The following KSR2 variants were observed in gnomAD, a reference collection of about 807,000 sequenced individuals.
KSR2 encodes kinase suppressor of ras 2.
Under a neutral mutation model 107.8 loss-of-function variants are expected in KSR2, and 25 were observed. The observed-to-expected ratio is 0.23, with a 90% CI of 0.17 to 0.32. The LOEUF is 0.32. Ranked by LOEUF, KSR2 falls within the 10% of genes least tolerant of loss-of-function variation. The probability of loss-of-function intolerance (pLI) is 1.00; values close to 1 mark genes in which losing one functional copy is unlikely to be tolerated. For synonymous variants in KSR2, 480 were observed against 507.0 expected (o/e 0.95, Z 0.71); for missense variants, 887 against 1,268.9 (o/e 0.70, Z 4.57).
At chr12:117,708,165 A>G (rs1418123096) in intron 4 of KSR2, among the ~76,000 whole-genome samples, 2 of 152,228 alleles carry the variant, frequency 1.3e-5, no homozygotes, top group African/African-American at 4.8e-5. Flanking sequence ...GGCAAAATAA[A>G]TGTTAGGAGA....
intron 3 of KSR2, among the ~76,000 whole-genome samples, chr12:117,772,918 C>T (rs185567741): frequency 6.6e-6 from 1 of 152,364 alleles, no homozygotes; most frequent in Non-Finnish European, 1.5e-5. Flanking sequence ...GTCTTACCCT[C>T]TGCCAAATTA....
At chr12:117,854,488 G>C (rs1414756137) in intron 3 of KSR2, among the ~76,000 whole-genome samples, 1 of 152,188 alleles carries the variant, frequency 6.6e-6, no homozygotes, top group East Asian at 1.9e-4. Context: ...ACTTCTCCAG[G>C]CCTAGAACAA....
At chr12:117,573,748 C>T (rs561289526) in intron 7 of KSR2, among the ~76,000 whole-genome samples, 6 of 151,992 alleles carry the variant, frequency 3.9e-5, no homozygotes, top group South Asian at 4.2e-4. Context: ...AGGCTGGTCT[C>T]GAACTCCTGA....
chr12:117,662,590 G>A (rs1474765108), intron 5 of KSR2, among the ~76,000 whole-genome samples: 3 of 152,196 alleles, frequency 2.0e-5, no homozygotes, highest in Admixed American at 6.5e-5. Flanking sequence ...AGGGGCTGCC[G>A]TCTTTCAAGA....
At chr12:117,558,723 T>C (rs951548602) in intron 7 of KSR2, 150 bp from the exon 8 acceptor site, 14 of 561,294 alleles carry the variant, frequency 2.5e-5, no homozygotes, top group African/African-American at 4.4e-5. Context: ...GATGGGTGAG[T>C]AGATGAATGG....
At chr12:117,934,283 C>T (rs1457825992) in intron 1 of KSR2, among the ~76,000 whole-genome samples, 1 of 152,160 alleles carries the variant, frequency 6.6e-6, no homozygotes, top group Non-Finnish European at 1.5e-5. Context: ...AGAACTGACC[C>T]ATGACAACAC....
chr12:117,704,300 A>G (rs577063413), intron 4 of KSR2, among the ~76,000 whole-genome samples: 18 of 152,254 alleles, frequency 1.2e-4, no homozygotes, highest in African/African-American at 4.3e-4. Flanking sequence ...AGGCAAATGG[A>G]AAAGCATGTT....
chr12:117,915,766 C>T (rs1309023478), intron 1 of KSR2, among the ~76,000 whole-genome samples: 2 of 152,138 alleles, frequency 1.3e-5, no homozygotes, highest in African/African-American at 4.8e-5. Flanking sequence ...TCTCCAAGAC[C>T]TGAAGAAGAT....
intron 3 of KSR2, among the ~76,000 whole-genome samples, chr12:117,762,237 T>G (rs925434253): frequency 2.0e-5 from 3 of 152,242 alleles, no homozygotes; most frequent in African/African-American, 7.2e-5. Flanking sequence ...TTCCCTTACA[T>G]GGAAATTTTA....
rs1297192493 is a variant in KSR2, at chr12:117,786,735, G to A, written c.473-25211C>T. On this transcript the variant is annotated intron_variant, in intron 3 of 19. Transcript: ENST00000339824. The stretch of plus-strand genomic sequence containing the variant: ...GGAGGCTGAGGCAGGAGAATCACAT[G>A]CACCCAGGAAGCGGAGAATGCAGTG... Among the ~76,000 whole-genome samples, 3 of 152,168 alleles carry A rather than the reference G, an allele frequency of 2.0e-5. No homozygotes were observed. The East Asian group carries it at 5.8e-4, about 29-fold the overall frequency.
intron 17 of KSR2, among the ~76,000 whole-genome samples, chr12:117,475,909 A>G (rs1871746195): frequency 1.3e-5 from 2 of 152,208 alleles, no homozygotes; most frequent in Admixed American, 1.3e-4. Flanking sequence ...AGGGTTGAGG[A>G]ACTGAGGCCT....
chr12:117,659,998 C>T (rs1884358989), intron 5 of KSR2, among the ~76,000 whole-genome samples: 1 of 152,204 alleles, frequency 6.6e-6, no homozygotes, highest in Non-Finnish European at 1.5e-5. Context: ...GCTGCCCCTG[C>T]CTCACCTCTT....
chr12:117,533,327 G>C (rs1229644107), intron 10 of KSR2, among the ~76,000 whole-genome samples: 3 of 152,316 alleles, frequency 2.0e-5, no homozygotes, highest in South Asian at 4.2e-4. Flanking sequence ...ACTATCTCAG[G>C]ACCTCAAACT....
At chr12:117,940,128 G>A (rs950511652) in intron 1 of KSR2, among the ~76,000 whole-genome samples, 18 of 152,088 alleles carry the variant, frequency 1.2e-4, no homozygotes, top group Non-Finnish European at 2.4e-4. Context: ...CCTTAAAAAC[G>A]TCAATACTGG....
At chr12:117,605,006 C>A (rs977236333) in intron 5 of KSR2, among the ~76,000 whole-genome samples, 2 of 152,140 alleles carry the variant, frequency 1.3e-5, no homozygotes, top group Admixed American at 6.5e-5. Flanking sequence ...AAATGAATTA[C>A]CTGAGCCAAG....
At chr12:117,793,056 G>GCA (rs1396065685) in intron 3 of KSR2, among the ~76,000 whole-genome samples, 36 of 135,398 alleles carry the variant, frequency 2.7e-4, no homozygotes, top group South Asian at 1.9e-3. Context: ...ACATCAACAT[G>GCA]CACACACACC....
intron 3 of KSR2, among the ~76,000 whole-genome samples, chr12:117,824,161 A>G (rs1358482044): frequency 6.6e-6 from 1 of 152,096 alleles, no homozygotes; most frequent in Admixed American, 6.6e-5. Flanking sequence ...AGAAAGACAA[A>G]CATCACATAT....
chr12:117,720,724 T>C (rs1413598025), intron 4 of KSR2, among the ~76,000 whole-genome samples: 2 of 152,108 alleles, frequency 1.3e-5, no homozygotes, highest in Non-Finnish European at 2.9e-5. Flanking sequence ...AAAGAACAGG[T>C]CCCTATTCTT....
chr12:117,759,832 G>A (rs1888931126), intron 4 of KSR2, among the ~76,000 whole-genome samples: 1 of 152,226 alleles, frequency 6.6e-6, no homozygotes, highest in Non-Finnish European at 1.5e-5. Flanking sequence ...CCCAGGTCGG[G>A]CATGATGGCT....
Sources: allele counts gnomAD v4.1 joint callset (sites outside exome capture counted in the v4.1 genomes callset), GRCh38; gene constraint gnomAD v4.1.1; transcripts MANE v1.5; gene names NCBI Gene and HGNC (gene_info 2026-07-23, HGNC 2026-07-21).